Variants in WBP2 observed in about 807,000 individuals in gnomAD.
WBP2 encodes the protein WW domain-binding protein 2.
WBP2 carries 23 observed loss-of-function variants against 33.0 expected under a neutral mutation model. The ratio of observed to expected loss-of-function variants is 0.70; its 90% CI spans 0.50 to 0.99. The LOEUF (loss-of-function observed/expected upper bound fraction) is 0.99. WBP2 is among the 50% of genes least tolerant of loss of function. The pLI is 0.00. For missense variants in WBP2, 353 were observed against 358.0 expected (o/e 0.99, Z 0.11); for synonymous variants, 153 against 133.5 (o/e 1.15, Z -1.01).
Position 75,847,843 on chromosome 17 carries a change from C to T in WBP2, c.485G>A (p.Gly162Glu), listed in dbSNP as rs1381147900. Residue 162 changes from glycine (G) to glutamate (E), a missense_variant, in exon 5 of 8, where the codon GGA becomes GAA. By Grantham distance (98) the Gly-to-Glu change is moderately conservative. Transcript: ENST00000254806. ...GTAGCCAGGAGGGCAGGGGTACATT[C>T]CATTGGCGACTGGCGGGGGATAGAC... ...AYVYPPPVAN[G>E]MYPCPPGYPY... The T allele has an allele frequency of 2.6e-6, 4 of 1,558,250 alleles. No homozygotes were observed. Among genetic ancestry groups the T allele is most frequent in the South Asian group, 1.2e-5 (1 of 84,748 alleles).
upstream of WBP2, chr17:75,855,425 A>C: frequency 2.1e-6 from 2 of 972,308 alleles, no homozygotes; most frequent in Admixed American, 3.9e-5. Flanking sequence ...TGGCCCAAAC[A>C]CCTGACCCGA....
At chr17:75,853,414 G>C (rs1315619936) in intron 1 of WBP2, among the ~76,000 whole-genome samples, 2 of 152,200 alleles carry the variant, frequency 1.3e-5, no homozygotes, top group African/African-American at 4.8e-5. Flanking sequence ...TCAGACAGCA[G>C]GCTGAAGCAC....
Position 75,846,650 on chromosome 17 carries a change from C to T in WBP2, c.*84G>A, listed in dbSNP as rs2064993622. Reference sequence around the variant, plus strand: ...GACCTGGAGGGAGAACAAGGCGCCCCCTCCCCTCCCCAAGCCCCAGCACAG... The same window carrying T: ...GACCTGGAGGGAGAACAAGGCGCCCTCTCCCCTCCCCAAGCCCCAGCACAG... On this transcript the variant is annotated 3_prime_UTR_variant, in exon 8 of 8. Coordinates refer to ENST00000254806, the MANE Select transcript of WBP2 (RefSeq NM_012478.4). The surrounding 1 kb of genome is among the most constrained non-coding windows in gnomAD (Gnocchi z 4.8). 2 of 1,450,360 alleles carry T rather than the reference C, an allele frequency of 1.4e-6. No homozygotes were observed. The highest frequency in any genetic ancestry group is 1.9e-6 in the Non-Finnish European group (2 of 1,065,812). The allele number at this position is 1,450,360 out of a possible 1,614,324, so 89.8% of individuals were successfully genotyped here. A position where few individuals can be genotyped will look rare whatever the true frequency, so the allele number is the denominator to read the frequency against.
intron 1 of WBP2, chr17:75,852,758 T>C: frequency 1.0e-6 from 1 of 985,030 alleles, no homozygotes; most frequent in East Asian, 1.1e-4. Context: ...CCCGGCCAAC[T>C]CTTCTATTTT....
At position 75,847,536 on chromosome 17, in the gene WBP2, C is replaced by A. The variant is rs1422422251; in HGVS notation, c.606G>T (p.Gly202=). Residue 202 remains glycine (G), a synonymous_variant, in exon 6 of 8, where the codon GGG becomes GGT. Coordinates refer to ENST00000254806, the MANE Select transcript of WBP2 (RefSeq NM_012478.4). ...YVQPPPPPYP[G]PMEPPVSGPD... ...GGCCGCTGACCGGAGGTTCCATGGG[C>A]CCAGGGTAGGGCGGTGGTGGGGGCT... 1 of 1,597,344 alleles carries A rather than the reference C, an allele frequency of 6.3e-7. No homozygotes were observed. Among genetic ancestry groups the A allele is most frequent in the Admixed American group, 1.7e-5 (1 of 57,836 alleles).
Position 75,845,857 on chromosome 17 carries a change from AAAC to A in WBP2, c.*874_*876del, listed in dbSNP as rs528354084. The A allele has an allele frequency of 2.2e-4, 34 of 152,712 alleles. No homozygotes were observed. In the South Asian group the frequency reaches 6.8e-3, roughly 31 times the overall value. 9.5% of individuals were successfully genotyped at this position (152,712 alleles called of 1,614,324 possible). Reference sequence around the variant, plus strand: ...CTCACTTCATGGCCAGTCCAGGGACAAACAAGAGTGAATGTTAGCGCATCCAGG... The same window carrying A: ...CTCACTTCATGGCCAGTCCAGGGACAAAGAGTGAATGTTAGCGCATCCAGG... On this transcript the variant is annotated 3_prime_UTR_variant, in exon 8 of 8. Coordinates refer to ENST00000254806, the MANE Select transcript of WBP2 (RefSeq NM_012478.4).
At chr17:75,853,577 G>A (rs1489192766) in intron 1 of WBP2, among the ~76,000 whole-genome samples, 2 of 152,036 alleles carry the variant, frequency 1.3e-5, no homozygotes, top group South Asian at 2.1e-4. Flanking sequence ...CAAATGGCAC[G>A]AAAAGCTGGC....
At chr17:75,851,301 CTGCATCCAACTCTATA>C in intron 2 of WBP2, 1 of 337,724 alleles carries the variant, frequency 3.0e-6, no homozygotes, top group Non-Finnish European at 5.8e-6. Flanking sequence ...ATGCCAGCGG[CTGCATCCAACTCTATA>C]GAGATTTTGC....
In WBP2 at chr17:75,851,693, G is replaced by A; in HGVS notation, c.60-17C>T. 1 of 1,598,792 alleles carries A rather than the reference G, an allele frequency of 6.3e-7. No homozygotes were observed. The highest frequency in any genetic ancestry group is 1.1e-5 in the South Asian group (1 of 90,668). On this transcript the variant is annotated splice_polypyrimidine_tract_variant and intron_variant, in intron 1 of 7. Coordinates refer to ENST00000254806, the MANE Select transcript of WBP2 (RefSeq NM_012478.4). ...ATTAGGATGCTGTGATGAGAAAAGA[G>A]GAAAAGCCTCAATGAGACAGTATGG...
At chr17:75,853,514 G>T (rs2065039778) in intron 1 of WBP2, among the ~76,000 whole-genome samples, 2 of 152,276 alleles carry the variant, frequency 1.3e-5, no homozygotes, top group Middle Eastern at 3.4e-3. Context: ...ATACATTCTT[G>T]TCTCAGAAAG....
chr17:75,847,735 T>C, intron 5 of WBP2, 61 bp downstream of exon 5: 1 of 1,529,138 alleles, frequency 6.5e-7, no homozygotes, highest in Non-Finnish European at 8.9e-7. Flanking sequence ...CTCCCTGGCC[T>C]GGGGGGAGCC....
At position 75,847,498 on chromosome 17, in the gene WBP2, G is replaced by A. The variant is rs763143807; in HGVS notation, c.644C>T (p.Ser215Phe). 1.3e-6 allele frequency: 2 copies of A among 1,593,314 alleles called. No individual in the cohort carries two copies. Among genetic ancestry groups the A allele is most frequent in the Admixed American group, 1.8e-5 (1 of 57,070 alleles). The change falls in exon 6 of 8, where the codon TCC becomes TTC. Residue 215 changes from serine to phenylalanine, a missense_variant. Physicochemically the swap from Ser to Phe is radical, Grantham distance 155. Coordinates refer to ENST00000254806, the MANE Select transcript of WBP2 (RefSeq NM_012478.4). ...EPPVSGPDVPSTPAAEAKAAE... is the reference protein window; with the variant it reads ...EPPVSGPDVPFTPAAEAKAAE... ...CCAAGGGCCCTCACCTGCAGGAGTG[G>A]AGGGGACATCGGGGCCGCTGACCGG...
upstream of WBP2, chr17:75,855,363 CT>C (rs1409867546): frequency 2.5e-6 from 4 of 1,570,324 alleles, no homozygotes; most frequent in Non-Finnish European, 3.5e-6. Flanking sequence ...CGCCCCGCCC[CT>C]AGTGGCGTCT....
intron 6 of WBP2, chr17:75,847,255 C>T: frequency 1.4e-6 from 1 of 724,854 alleles, no homozygotes; most frequent in Non-Finnish European, 2.3e-6. Flanking sequence ...GATCGAGAGG[C>T]ACACAGGGTG....
chr17:75,847,565 C>A lies in WBP2; in HGVS notation c.577G>T (p.Val193Leu). Residue 193 changes from valine (V) to leucine (L), a missense_variant, in exon 6 of 8, where the codon GTG (valine) becomes TTG (leucine). Physicochemically the swap from Val to Leu is conservative, Grantham distance 32. Coordinates refer to ENST00000254806, the MANE Select transcript of WBP2 (RefSeq NM_012478.4). ...GGGTAGGGCGGTGGTGGGGGCTGCA[C>A]GTATCCCATGGCCCCGTCCATCATG... Reference protein sequence around the residue: ...PPMMDGAMGYVQPPPPPYPGP... With the variant: ...PPMMDGAMGYLQPPPPPYPGP... 2 of 1,607,486 alleles carry A rather than the reference C, an allele frequency of 1.2e-6. No homozygotes were observed. The highest frequency in any genetic ancestry group is 1.7e-6 in the Non-Finnish European group (2 of 1,176,500).
rs1242797949 is a variant in WBP2 at position 75,846,320 on chromosome 17, G to A, written c.*414C>T. 2 of 251,496 alleles carry A rather than the reference G, an allele frequency of 8.0e-6. No homozygotes were observed. The highest frequency in any genetic ancestry group is 1.6e-5 in the Non-Finnish European group (2 of 125,130). 15.6% of individuals were successfully genotyped at this position (251,496 alleles called of 1,614,324 possible). A position where few individuals can be genotyped will look rare whatever the true frequency, so the allele number is the denominator to read the frequency against. On this transcript the variant is annotated 3_prime_UTR_variant, in exon 8 of 8. Coordinates refer to ENST00000254806, the MANE Select transcript of WBP2 (RefSeq NM_012478.4). The surrounding 1 kb of genome is among the most constrained non-coding windows in gnomAD (Gnocchi z 4.8). Reference sequence around the variant, plus strand: ...GAGGGAATGTGAGCAGGGTCTGGCAGGGCCCGGGAAGACACCTGGCTGGTC... The same window carrying A: ...GAGGGAATGTGAGCAGGGTCTGGCAAGGCCCGGGAAGACACCTGGCTGGTC...
chr17:75,847,942 A>G lies in WBP2; in HGVS notation c.398-12T>C, dbSNP rs750243259. The G allele has an allele frequency of 1.3e-5, 20 of 1,562,512 alleles. No individual in the cohort carries two copies. The highest frequency in any genetic ancestry group is 2.7e-5 in the African/African-American group (2 of 73,344). The stretch of plus-strand genomic sequence containing the variant: ...TTCACCTCTGGAGGCTACGAGTACA[A>G]GGGGAAAGAGAAATGAGCGTGGCCT... On this transcript the variant is annotated splice_polypyrimidine_tract_variant and intron_variant, in intron 4 of 7. Transcript: ENST00000254806.
intron 6 of WBP2, 81 bp from the exon 7 acceptor site, chr17:75,847,065 C>G: frequency 1.3e-6 from 2 of 1,514,830 alleles, no homozygotes; most frequent in African/African-American, 2.7e-5. Context: ...GCCCCCATGG[C>G]TCGGGGCAGC....
intron 1 of WBP2, 165 bp from the exon 2 acceptor site, chr17:75,851,841 C>T (rs2065029742): frequency 2.0e-6 from 1 of 494,978 alleles, no homozygotes. Context: ...GTGGCTCACG[C>T]CCGTAATCCC....
Sources: allele counts gnomAD v4.1 joint callset (sites outside exome capture counted in the v4.1 genomes callset), GRCh38; gene constraint gnomAD v4.1.1; non-coding constraint Gnocchi (gnomAD v3.1); transcripts MANE v1.5; gene names NCBI Gene and HGNC (gene_info 2026-07-23, HGNC 2026-07-21).